The following RNF180 variants were observed in gnomAD, a reference collection of about 807,000 sequenced individuals.
RNF180 encodes the protein ring finger protein 180.
In RNF180, 38 loss-of-function variants were observed where a neutral mutation model predicts 59.2. That is an observed-to-expected ratio of 0.64 (90% CI 0.50 to 0.84). The LOEUF (loss-of-function observed/expected upper bound fraction) is 0.84. Among genes scored for constraint, RNF180 ranks in the 40% least tolerant of loss-of-function variants. The pLI, the probability that RNF180 is intolerant of heterozygous loss-of-function variation, is 0.00. For synonymous variants in RNF180, 262 were observed against 240.3 expected, an observed-to-expected ratio of 1.09 and a Z score of -0.84; for missense variants, 705 against 700.9, an observed-to-expected ratio of 1.01 and a Z score of -0.07.
At chr5:64,270,297 A>G (rs989818865) in intron 5 of RNF180, among the ~76,000 whole-genome samples, 1 of 152,138 alleles carries the variant, frequency 6.6e-6, no homozygotes, top group Non-Finnish European at 1.5e-5. Context: ...TGTGGTCTAT[A>G]TCCTTTTATC....
intron 1 of RNF180, among the ~76,000 whole-genome samples, chr5:64,168,688 G>C (rs1213174386): frequency 1.3e-5 from 2 of 151,976 alleles, no homozygotes; most frequent in Admixed American, 1.3e-4. Context: ...ATAAAATGTG[G>C]CTCCATATTG....
intron 5 of RNF180, among the ~76,000 whole-genome samples, chr5:64,233,131 T>C (rs936876820): frequency 3.9e-5 from 6 of 152,222 alleles, no homozygotes; most frequent in Admixed American, 2.6e-4. Context: ...TTCTGGGGCT[T>C]AGTTTTCTCA....
At chr5:64,271,079 A>C (rs981008748) in intron 5 of RNF180, among the ~76,000 whole-genome samples, 1 of 152,074 alleles carries the variant, frequency 6.6e-6, no homozygotes, top group East Asian at 1.9e-4. Flanking sequence ...GTAATATTTC[A>C]TGTGCTTGGT....
chr5:64,313,498 A>G (rs528662820), intron 5 of RNF180, among the ~76,000 whole-genome samples: 2 of 152,236 alleles, frequency 1.3e-5, no homozygotes, highest in East Asian at 1.9e-4. Flanking sequence ...CATTCTTTTG[A>G]TAGCTGCATA....
At chr5:64,189,458 T>C (rs1016291035) in intron 1 of RNF180, among the ~76,000 whole-genome samples, 2 of 152,050 alleles carry the variant, frequency 1.3e-5, no homozygotes, top group African/African-American at 2.4e-5. Flanking sequence ...AGGTAGTCCT[T>C]GTTATAAAGT....
At chr5:64,270,048 C>CAAAA (rs377664854) in intron 5 of RNF180, among the ~76,000 whole-genome samples, 6 of 149,506 alleles carry the variant, frequency 4.0e-5, no homozygotes, top group Non-Finnish European at 8.9e-5. Context: ...CACACACACA[C>CAAAA]AAAAGCCTTT....
chr5:64,305,153 ATG>A (rs1165767042), intron 5 of RNF180, among the ~76,000 whole-genome samples: 1 of 151,642 alleles, frequency 6.6e-6, no homozygotes, highest in Admixed American at 6.6e-5. Flanking sequence ...AAACCAAACA[ATG>A]TGTGTGTCTT....
intron 2 of RNF180, among the ~76,000 whole-genome samples, chr5:64,209,341 T>TA (rs879712757): frequency 2.0e-5 from 3 of 152,070 alleles, no homozygotes; most frequent in Non-Finnish European, 2.9e-5. Context: ...TTTTTCGTGT[T>TA]ATGATCAATG....
chr5:64,324,802 A>G (rs949264695), intron 5 of RNF180, among the ~76,000 whole-genome samples: 1 of 152,210 alleles, frequency 6.6e-6, no homozygotes, highest in Non-Finnish European at 1.5e-5. Flanking sequence ...ATGGATGCTC[A>G]TATTAAAACT....
chr5:64,258,107 G>T (rs1163131550), intron 5 of RNF180, among the ~76,000 whole-genome samples: 9 of 152,192 alleles, frequency 5.9e-5, no homozygotes, highest in Non-Finnish European at 1.0e-4. Context: ...ACAGTCAGGA[G>T]TTGACAAGTG....
intron 5 of RNF180, among the ~76,000 whole-genome samples, chr5:64,281,677 C>T (rs1813341): frequency 0.45 from 67,824 of 151,792 alleles, 16,502 homozygotes; most frequent in African/African-American, 0.65. Flanking sequence ...TTTGTATTTT[C>T]AGTAGAGACA....
Position 64,329,973 on chromosome 5 carries a change from A to G in RNF180, c.1454-308A>G, listed in dbSNP as rs544315184. 9.9e-5 allele frequency among the ~76,000 whole-genome samples: 15 copies of G among 152,222 alleles called. 2 individuals are homozygous for G. In the South Asian group the frequency reaches 2.7e-3, roughly 27 times the overall value. The stretch of plus-strand genomic sequence containing the variant: ...GGGTTGGGGACCACTGTTTTAGACT[A>G]CAGTTGTTTTAAGGTGAGGGACGAT... On this transcript the variant is annotated intron_variant, in intron 6 of 7. Transcript: ENST00000389100.
intron 5 of RNF180, among the ~76,000 whole-genome samples, chr5:64,309,777 T>G (rs1039422952): frequency 6.6e-6 from 1 of 151,594 alleles, no homozygotes; most frequent in Non-Finnish European, 1.5e-5. Context: ...ATAAATAAAT[T>G]CAGCAACCAC....
At chr5:64,342,274 A>G (rs779352358) in intron 7 of RNF180, among the ~76,000 whole-genome samples, 4 of 152,202 alleles carry the variant, frequency 2.6e-5, no homozygotes, top group Non-Finnish European at 5.9e-5. Flanking sequence ...AAACTCCAGT[A>G]TGATCAGAGC....
At chr5:64,339,564 G>C (rs930683768) in intron 7 of RNF180, among the ~76,000 whole-genome samples, 1 of 152,098 alleles carries the variant, frequency 6.6e-6, no homozygotes, top group African/African-American at 2.4e-5. Context: ...AACATTAATA[G>C]GTTCCCTAAG....
intron 5 of RNF180, among the ~76,000 whole-genome samples, chr5:64,280,009 C>G (rs1401129526): frequency 2.0e-5 from 3 of 152,130 alleles, no homozygotes; most frequent in Non-Finnish European, 4.4e-5. Flanking sequence ...AGGAGAATCA[C>G]TTGAATCACC....
At chr5:64,329,027 C>T (rs1393708511) in intron 6 of RNF180, among the ~76,000 whole-genome samples, 3 of 152,160 alleles carry the variant, frequency 2.0e-5, no homozygotes, top group Admixed American at 2.0e-4. Context: ...CATATATGTT[C>T]TCCAGTTGGT....
chr5:64,166,122 C>T (rs1267740683), intron 1 of RNF180, 169 bp downstream of exon 1: 7 of 152,216 alleles, frequency 4.6e-5, no homozygotes, highest in African/African-American at 1.7e-4. Context: ...GGCCGCCTCT[C>T]GCCCGGCGGG....
chr5:64,212,360 G>GCA (rs766086691), intron 3 of RNF180, among the ~76,000 whole-genome samples, 200 bp downstream of exon 3: 1 of 150,288 alleles, frequency 6.7e-6, no homozygotes, highest in Non-Finnish European at 1.5e-5. Context: ...ACACACACAT[G>GCA]CACACACACA....
Sources: gnomAD v4.1 joint callset for allele counts (sites outside exome capture counted in the v4.1 genomes callset) on GRCh38, gnomAD v4.1.1 for gene constraint, MANE v1.5 for transcripts, NCBI Gene and HGNC (gene_info 2026-07-23, HGNC 2026-07-21) for gene names.